Variants in CCDC138 observed in about 807,000 individuals in gnomAD.
The protein encoded by CCDC138 is coiled-coil domain-containing protein 138.
A neutral mutation model predicts 82.3 loss-of-function variants in CCDC138; 66 were observed. The ratio of observed to expected loss-of-function variants is 0.80; its 90% CI spans 0.66 to 0.98. CCDC138 has a LOEUF of 0.98. Among genes scored for constraint, CCDC138 ranks in the 50% least tolerant of loss-of-function variants. The pLI, the probability that CCDC138 is intolerant of heterozygous loss-of-function variation, is 0.00. For missense variants in CCDC138, 816 were observed against 758.9 expected (o/e 1.08, Z -0.88); for synonymous variants, 297 against 265.4 (o/e 1.12, Z -1.16).
chr2:108,815,996 C>T lies in CCDC138; in HGVS notation c.1097C>T (p.Ser366Leu), dbSNP rs138760335. Residue 366 changes from serine to leucine, a missense_variant, in exon 10 of 15, where the codon TCG (serine) becomes TTG (leucine). By Grantham distance (145) the Ser-to-Leu change is moderately radical (BLOSUM62 -2). Transcript: ENST00000295124. ...TTAACTGTCTTCATGGACTGGATTT[C>T]GGATCATCATCTTAGCAAAGTGAAA... is the stretch of plus-strand genomic sequence containing the variant. ...ELLTVFMDWI[S>L]DHHLSKVKHE... The T allele has an allele frequency of 3.8e-4, 608 of 1,613,346 alleles. 2 individuals carry two copies. The East Asian group carries it at 4.3e-3, about 11-fold the overall frequency.
chr2:108,865,096 T>A (rs1022474281), intron 13 of CCDC138, among the ~76,000 whole-genome samples: 2 of 152,136 alleles, frequency 1.3e-5, no homozygotes, highest in Non-Finnish European at 2.9e-5. Flanking sequence ...TACACATTTT[T>A]ACTTTTTCCT....
intron 7 of CCDC138, among the ~76,000 whole-genome samples, chr2:108,805,999 G>C (rs1316805796): frequency 1.1e-5 from 1 of 94,796 alleles, no homozygotes; most frequent in Non-Finnish European, 2.7e-5. Context: ...TGTAACTTAA[G>C]CCTCAGACTC....
intron 11 of CCDC138, among the ~76,000 whole-genome samples, chr2:108,844,816 C>T (rs978014042): frequency 2.0e-5 from 3 of 149,984 alleles, no homozygotes; most frequent in Non-Finnish European, 3.0e-5. Context: ...GGCACGATCT[C>T]GGCTCACTGC....
intron 10 of CCDC138, among the ~76,000 whole-genome samples, chr2:108,835,361 TA>T (rs1263099314): frequency 6.6e-6 from 1 of 152,168 alleles, no homozygotes; most frequent in South Asian, 2.1e-4. Flanking sequence ...GCTCAAAAAT[TA>T]AAAAAAATTC....
intron 14 of CCDC138, among the ~76,000 whole-genome samples, chr2:108,874,733 A>G (rs758364096): frequency 2.6e-5 from 4 of 152,138 alleles, no homozygotes; most frequent in Non-Finnish European, 5.9e-5. Flanking sequence ...TTATAACCTT[A>G]TAATTTGACT....
At position 108,835,174 on chromosome 2, in the gene CCDC138, CATT is replaced by C. The variant is rs557901137; in HGVS notation, c.1207-4009_1207-4007del. ...ATGCAGCTTAACATTATGATTCAAA[CATT>C]AGTTGTTGAAATGACTACTGTAGTG... is the stretch of plus-strand genomic sequence containing the variant. On this transcript the variant is annotated intron_variant, in intron 10 of 14. Transcript: ENST00000295124. 4.5e-3 allele frequency among the ~76,000 whole-genome samples: 687 copies of C among 152,296 alleles called. 4 individuals carry two copies. The highest frequency in any genetic ancestry group is 0.016 in the African/African-American group (657 of 41,564).
intron 12 of CCDC138, among the ~76,000 whole-genome samples, chr2:108,852,320 C>G (rs1469262813): frequency 6.6e-6 from 1 of 152,138 alleles, no homozygotes; most frequent in African/African-American, 2.4e-5. Flanking sequence ...TAAATTAGTT[C>G]AGCCATTGTG....
chr2:108,827,208 TGTAAA>T (rs1288637436), intron 10 of CCDC138, among the ~76,000 whole-genome samples: 1 of 152,254 alleles, frequency 6.6e-6, no homozygotes, highest in African/African-American at 2.4e-5. Context: ...AAAATAATAA[TGTAAA>T]GGAAAGGAAA....
chr2:108,879,090 ATTGGC>A (rs2105341869), downstream of CCDC138, among the ~76,000 whole-genome samples: 1 of 152,346 alleles, frequency 6.6e-6, no homozygotes, highest in East Asian at 1.9e-4. Context: ...AAAGATCAAA[ATTGGC>A]TTAAGAAATC....
intron 3 of CCDC138, among the ~76,000 whole-genome samples, chr2:108,791,083 T>C (rs1366121760): frequency 1.3e-5 from 2 of 152,128 alleles, no homozygotes; most frequent in African/African-American, 4.8e-5. Flanking sequence ...TTTTTAACAT[T>C]GATTACATGT....
At position 108,786,877 on chromosome 2, in the gene CCDC138, A is replaced by G. The variant is rs1371820752; in HGVS notation, c.55A>G (p.Lys19Glu). 1 of 1,574,256 alleles carries G rather than the reference A, an allele frequency of 6.4e-7. No individual in the cohort carries two copies. Among genetic ancestry groups the G allele is most frequent in the South Asian group, 1.2e-5 (1 of 86,644 alleles). The change falls in exon 1 of 15, where the codon AAA becomes GAA. Residue 19 changes from lysine to glutamate, a missense_variant. Transcript: ENST00000295124. Reference protein sequence around the residue: ...PGQDLVVESLKSRYGLGGSCP... With the variant: ...PGQDLVVESLESRYGLGGSCP... ...GCAGGATTTAGTAGTGGAGAGTCTC[A>G]AAAGCCGCTACGGACTCGGGGGCAG...
chr2:108,876,042 C>T (rs1389193644), intron 14 of CCDC138, 46 bp from the exon 15 acceptor site: 3 of 1,265,128 alleles, frequency 2.4e-6, no homozygotes, highest in East Asian at 2.4e-5. Context: ...TGCAGATAAA[C>T]TCTCTAAGTA....
chr2:108,833,187 A>C (rs1353276318), intron 10 of CCDC138, among the ~76,000 whole-genome samples: 1 of 152,242 alleles, frequency 6.6e-6, no homozygotes, highest in Non-Finnish European at 1.5e-5. Context: ...ACATGTCATT[A>C]TATGTTGTCA....
chr2:108,843,846 G>T (rs1427010638), intron 11 of CCDC138, among the ~76,000 whole-genome samples: 36 of 7,458 alleles, frequency 4.8e-3, no homozygotes, highest in Non-Finnish European at 0.021. Flanking sequence ...TTCATGTTTT[G>T]TGTGTGTGTG....
At chr2:108,823,382 C>G (rs949381210) in intron 10 of CCDC138, among the ~76,000 whole-genome samples, 3 of 152,146 alleles carry the variant, frequency 2.0e-5, no homozygotes, top group South Asian at 2.1e-4. Flanking sequence ...CAAAAATCCT[C>G]AACAAAATAG....
chr2:108,803,118 G>T (rs1330757911), intron 6 of CCDC138, among the ~76,000 whole-genome samples: 1 of 152,186 alleles, frequency 6.6e-6, no homozygotes. Context: ...TGCTCTGGGT[G>T]TTTTTTGTGC....
At chr2:108,811,068 ATC>A (rs1185278335) in intron 7 of CCDC138, among the ~76,000 whole-genome samples, 1 of 147,334 alleles carries the variant, frequency 6.8e-6, no homozygotes, top group East Asian at 2.0e-4. Context: ...TTCCGATTTT[ATC>A]TGTTTGGGTC....
At chr2:108,870,959 A>C (rs1168984195) in intron 13 of CCDC138, among the ~76,000 whole-genome samples, 1 of 151,820 alleles carries the variant, frequency 6.6e-6, no homozygotes, top group Non-Finnish European at 1.5e-5. Context: ...TAAAATGATA[A>C]GTGTTATGCA....
chr2:108,863,095 A>G (rs140151290), intron 13 of CCDC138, among the ~76,000 whole-genome samples: 147 of 152,310 alleles, frequency 9.7e-4, no homozygotes, highest in African/African-American at 3.3e-3. Context: ...ATATCTTTCT[A>G]TCTGATGCAG....
Sources: allele counts gnomAD v4.1 joint callset (sites outside exome capture counted in the v4.1 genomes callset), GRCh38; gene constraint gnomAD v4.1.1; transcripts MANE v1.5; gene names NCBI Gene and HGNC (gene_info 2026-07-23, HGNC 2026-07-21).